Variants in PXK observed in about 807,000 individuals in gnomAD.
The protein encoded by PXK is PX domain-containing protein kinase-like protein.
A neutral mutation model predicts 84.7 loss-of-function variants in PXK; 35 were observed. The observed-to-expected ratio is 0.41, with a 90% CI of 0.32 to 0.55. The LOEUF is 0.55. Ranked by LOEUF, PXK falls within the 20% of genes least tolerant of loss-of-function variation. The pLI, the probability that PXK is intolerant of heterozygous loss-of-function variation, is 0.21. For missense variants in PXK, 634 were observed against 699.7 expected (o/e 0.91, Z 1.06); for synonymous variants, 253 against 260.8 (o/e 0.97, Z 0.29).
At chr3:58,372,930 C>CT (rs2098397558) in intron 3 of PXK, among the ~76,000 whole-genome samples, 1 of 152,102 alleles carries the variant, frequency 6.6e-6, no homozygotes, top group Admixed American at 6.5e-5. Context: ...TAGCAGCCAT[C>CT]TAGGGAGACA....
chr3:58,397,676 C>G lies in PXK; in HGVS notation c.1056C>G (p.Asp352Glu). The G allele has an allele frequency of 6.2e-7, 1 of 1,614,118 alleles. No individual in the cohort carries two copies. Among genetic ancestry groups the G allele is most frequent in the Non-Finnish European group, 8.5e-7 (1 of 1,179,988 alleles). The change falls in exon 11 of 18, where the codon GAC (aspartate) becomes GAG (glutamate). Residue 352 changes from aspartate to glutamate, a missense_variant. By Grantham distance (45) the Asp-to-Glu change is conservative. Transcript: ENST00000356151. This position sits in a 1 kb window ranked among gnomAD's most constrained non-coding sequence, Gnocchi z 4.7. ...LYEMTYGRPPDSVPVDSFPPA... is the reference protein window; with the variant it reads ...LYEMTYGRPPESVPVDSFPPA... Reference sequence around the variant, plus strand: ...AAATGACTTATGGACGACCGCCAGACTCGGTGCCTGTGGACTCCTTCCCTC... The same window carrying G: ...AAATGACTTATGGACGACCGCCAGAGTCGGTGCCTGTGGACTCCTTCCCTC...
chr3:58,356,311 C>T lies in PXK; in HGVS notation c.103-9563C>T, dbSNP rs148653534. On this transcript the variant is annotated intron_variant, in intron 1 of 17. Transcript: ENST00000356151. ...GGCAGCAGATGGCAGGGTTTGGTGG[C>T]AGGCTGAAATCCGTCTGACTCAGGT... Among the ~76,000 whole-genome samples the T allele has an allele frequency of 6.6e-5, 10 of 152,264 alleles. No individual in the cohort carries two copies. The East Asian group carries it at 1.9e-3, about 29-fold the overall frequency.
intron 1 of PXK, among the ~76,000 whole-genome samples, chr3:58,349,309 G>C (rs1359099649): frequency 1.3e-5 from 2 of 151,024 alleles, no homozygotes; most frequent in Admixed American, 1.3e-4. Context: ...GAGAGAAAAA[G>C]CAAGTCATAA....
rs2098241720 is a variant in PXK at position 58,364,536 on chromosome 3, AC to A, written c.103-1334del. Among the ~76,000 whole-genome samples, 1 of 152,040 alleles carries A rather than the reference AC, an allele frequency of 6.6e-6. No individual in the cohort carries two copies. Among genetic ancestry groups the A allele is most frequent in the Non-Finnish European group, 1.5e-5 (1 of 68,006 alleles). On this transcript the variant is annotated intron_variant, in intron 1 of 17. Coordinates refer to ENST00000356151, the MANE Select transcript of PXK (RefSeq NM_017771.5). The surrounding 1 kb of genome is among the most constrained non-coding windows in gnomAD (Gnocchi z 4.3). ...AGACCAGCTGGGCCAATATGGTGAAACCCCATCTCCGCTAAAAACACAAAAA... is the reference window on the plus strand; with the variant it reads ...AGACCAGCTGGGCCAATATGGTGAAACCCATCTCCGCTAAAAACACAAAAA...
intron 17 of PXK, among the ~76,000 whole-genome samples, chr3:58,419,275 G>C (rs1322093682): frequency 1.3e-5 from 2 of 152,172 alleles, no homozygotes; most frequent in Admixed American, 1.3e-4. Flanking sequence ...TTTTGAGATG[G>C]AGTTTCACTC....
At chr3:58,388,098 C>A (rs142565667) in intron 4 of PXK, among the ~76,000 whole-genome samples, 10 of 152,114 alleles carry the variant, frequency 6.6e-5, no homozygotes, top group African/African-American at 2.2e-4. Flanking sequence ...ATGTGTTGCC[C>A]GAGTCTGGGG....
intron 1 of PXK, among the ~76,000 whole-genome samples, chr3:58,334,949 G>GTGTC (rs1553732651): frequency 1.5e-5 from 2 of 130,380 alleles, no homozygotes; most frequent in South Asian, 2.3e-4. Flanking sequence ...GTGTGTGTGT[G>GTGTC]TGTGTGTGTC....
intron 13 of PXK, among the ~76,000 whole-genome samples, chr3:58,406,282 A>AT (rs56124813): frequency 0.3 from 43,146 of 144,388 alleles, 6,940 homozygotes; most frequent in Middle Eastern, 0.39. Flanking sequence ...TTTAATTTTA[A>AT]TTTTTTTTTT....
intron 9 of PXK, among the ~76,000 whole-genome samples, chr3:58,396,752 G>C (rs1355551709): frequency 6.6e-6 from 1 of 152,228 alleles, no homozygotes; most frequent in Non-Finnish European, 1.5e-5. Flanking sequence ...GCTTAAAGCA[G>C]AGCCTTTTGG....
intron 1 of PXK, among the ~76,000 whole-genome samples, chr3:58,338,110 G>T (rs956540773): frequency 7.2e-5 from 11 of 152,072 alleles, no homozygotes; most frequent in Admixed American, 2.0e-4. Context: ...GGGAGGCCGA[G>T]GCAGGCAGAT....
chr3:58,412,935 G>C lies in PXK; in HGVS notation c.1500G>C (p.Pro500=). The C allele has an allele frequency of 6.2e-7, 1 of 1,614,090 alleles. No individual in the cohort carries two copies. The highest frequency in any genetic ancestry group is 8.5e-7 in the Non-Finnish European group (1 of 1,180,006). Residue 500 remains proline, a synonymous_variant, in exon 17 of 18, where the codon CCG becomes CCC. Transcript: ENST00000356151. This position sits in a 1 kb window ranked among gnomAD's most constrained non-coding sequence, Gnocchi z 6.2. ...GGGCCAGCTCACCTCTCACGTCCCC[G>C]TCATCGCCAACTCCACCCTCTACAT... ...GSGASSPLTS[P]SSPTPPSTSG...
chr3:58,387,738 A>G (rs1162013793), intron 4 of PXK, among the ~76,000 whole-genome samples: 2 of 152,164 alleles, frequency 1.3e-5, no homozygotes, highest in Non-Finnish European at 2.9e-5. Flanking sequence ...CTAATAGAGG[A>G]CATTCACAGG....
chr3:58,378,492 C>CTTCTTTTTT lies in PXK; in HGVS notation c.202-4020_202-4019insCTTTTTTTT, dbSNP rs1451583616. On this transcript the variant is annotated intron_variant, in intron 3 of 17. Coordinates refer to ENST00000356151, the MANE Select transcript of PXK (RefSeq NM_017771.5). ...ATTGGATTTGGACTTCATTTTTCTT[C>CTTCTTTTTT]TTTTTTTTTTTTTTTTTTTTTGTGT... Among the ~76,000 whole-genome samples, 13 of 24,314 alleles carry CTTCTTTTTT rather than the reference C, an allele frequency of 5.3e-4. 3 individuals are homozygous for CTTCTTTTTT. Among genetic ancestry groups the CTTCTTTTTT allele is most frequent in the African/African-American group, 9.8e-4 (7 of 7,138 alleles). The allele number at this position is 24,314 out of a possible 152,430, so 16.0% of individuals were successfully genotyped here.
intron 3 of PXK, 70 bp from the exon 4 acceptor site, chr3:58,382,444 G>T: frequency 7.7e-7 from 1 of 1,296,316 alleles, no homozygotes; most frequent in Non-Finnish European, 1.0e-6. Context: ...AAATATGATA[G>T]GTCAAGATTT....
At chr3:58,363,039 G>C (rs1370746488) in intron 1 of PXK, among the ~76,000 whole-genome samples, 4 of 151,938 alleles carry the variant, frequency 2.6e-5, no homozygotes, top group South Asian at 2.1e-4. Flanking sequence ...GAATAATCTT[G>C]ACTATATTTG....
At position 58,369,489 on chromosome 3, in the gene PXK, T is replaced by G; in HGVS notation, c.201+11T>G. The G allele has an allele frequency of 6.2e-7, 1 of 1,602,522 alleles. No homozygotes were observed. The highest frequency in any genetic ancestry group is 1.1e-5 in the South Asian group (1 of 90,742). On this transcript the variant is annotated intron_variant, in intron 3 of 17. Coordinates refer to ENST00000356151, the MANE Select transcript of PXK (RefSeq NM_017771.5). ...AACAACAGCTTACAGGTAAATGTTTTGAAATTCTAATTACACACATTGATT... is the reference window on the plus strand; with the variant it reads ...AACAACAGCTTACAGGTAAATGTTTGGAAATTCTAATTACACACATTGATT...
At chr3:58,374,629 TG>T (rs2098422550) in intron 3 of PXK, among the ~76,000 whole-genome samples, 1 of 152,230 alleles carries the variant, frequency 6.6e-6, no homozygotes, top group African/African-American at 2.4e-5. Flanking sequence ...TGAGGCATCC[TG>T]GCTTGAAGTC....
At position 58,391,197 on chromosome 3, in the gene PXK, A is replaced by G. The variant is rs770133590; in HGVS notation, c.517A>G (p.Lys173Glu). ...CTTGATGAAGATTAAAAATCAGCCA[A>G]AGGAACGGCTAGTGTTAAGCTGGGT... is the stretch of plus-strand genomic sequence containing the variant. ...YFLMKIKNQP[K>E]ERLVLSWADL... The change falls in exon 6 of 18, where the codon AAG (lysine) becomes GAG (glutamate). Residue 173 changes from lysine to glutamate, a missense_variant. By Grantham distance (56) the Lys-to-Glu change is moderately conservative. This residue lies in a region of PXK where 353 missense variants were observed against 385.2 expected (regional missense o/e 0.92). Coordinates refer to ENST00000356151, the MANE Select transcript of PXK (RefSeq NM_017771.5). 1.2e-6 allele frequency: 2 copies of G among 1,613,792 alleles called. No individual in the cohort carries two copies. The highest frequency in any genetic ancestry group is 1.1e-5 in the South Asian group (1 of 91,070).
intron 2 of PXK, among the ~76,000 whole-genome samples, chr3:58,367,103 C>A (rs962593115): frequency 6.6e-6 from 1 of 152,148 alleles, no homozygotes; most frequent in Non-Finnish European, 1.5e-5. Flanking sequence ...CATCCTAGAC[C>A]TACTGATCAG....
Sources: allele counts gnomAD v4.1 joint callset (sites outside exome capture counted in the v4.1 genomes callset), GRCh38; gene constraint gnomAD v4.1.1; regional missense constraint gnomAD v4.1.1; non-coding constraint Gnocchi (gnomAD v3.1); transcripts MANE v1.5; gene names NCBI Gene and HGNC (gene_info 2026-07-23, HGNC 2026-07-21).